NRXN3: variants seen among roughly 807,000 people sequenced by gnomAD.
NRXN3 encodes the protein neurexin 3, also known as neurexin III.
In NRXN3, 32 loss-of-function variants were observed where a neutral mutation model predicts 137.6. That is an observed-to-expected ratio of 0.23 (90% CI 0.18 to 0.31). The LOEUF is 0.31. Ranked by LOEUF, NRXN3 falls within the 10% of genes least tolerant of loss-of-function variation. The probability of loss-of-function intolerance (pLI) is 1.00; values close to 1 mark genes in which losing one functional copy is unlikely to be tolerated. For synonymous variants in NRXN3, 798 were observed against 784.5 expected, an observed-to-expected ratio of 1.02 and a Z score of -0.29; for missense variants, 1,574 against 2,062.5, an observed-to-expected ratio of 0.76 and a Z score of 4.59.
chr14:78,938,884 G>A (rs1302414477), intron 10 of NRXN3, among the ~76,000 whole-genome samples: 21 of 131,132 alleles, frequency 1.6e-4, no homozygotes, highest in African/African-American at 6.4e-4. Context: ...TCTCGCTGTC[G>A]CCCAGGCTGG....
intron 1 of NRXN3, among the ~76,000 whole-genome samples, chr14:78,184,477 G>A (rs750344009): frequency 1.3e-3 from 204 of 152,260 alleles, no homozygotes; most frequent in Middle Eastern, 3.4e-3. Flanking sequence ...TCTCTTTGGC[G>A]TCTATGGCAG....
At chr14:79,101,452 G>A (rs1196607879) in intron 15 of NRXN3, among the ~76,000 whole-genome samples, 1 of 152,174 alleles carries the variant, frequency 6.6e-6, no homozygotes, top group East Asian at 1.9e-4. Context: ...AAAACGTCGG[G>A]ATGAGGATGG....
chr14:78,779,221 G>A (rs552802967), intron 8 of NRXN3, among the ~76,000 whole-genome samples: 14 of 151,946 alleles, frequency 9.2e-5, no homozygotes, highest in Non-Finnish European at 1.3e-4. Flanking sequence ...GAATGATACA[G>A]CATCAGATAA....
chr14:79,336,824 G>A (rs1281269540), intron 15 of NRXN3, among the ~76,000 whole-genome samples: 2 of 152,038 alleles, frequency 1.3e-5, no homozygotes, highest in Non-Finnish European at 2.9e-5. Context: ...TTACTTTCTG[G>A]TAGCTGGATT....
chr14:78,641,333 G>T, intron 4 of NRXN3, among the ~76,000 whole-genome samples: 1 of 152,252 alleles, frequency 6.6e-6, no homozygotes, highest in Non-Finnish European at 1.5e-5. Context: ...TTTCTTCAAG[G>T]TCCTCATTTT....
chr14:79,028,561 G>C (rs2152478527), intron 15 of NRXN3, among the ~76,000 whole-genome samples: 1 of 152,308 alleles, frequency 6.6e-6, no homozygotes, highest in South Asian at 2.1e-4. Context: ...AAACAAAAGA[G>C]ATGACAGATT....
chr14:79,596,354 G>T (rs576335252), intron 16 of NRXN3, among the ~76,000 whole-genome samples: 41 of 152,196 alleles, frequency 2.7e-4, no homozygotes, highest in Admixed American at 2.2e-3. Context: ...TCTGAAAAAG[G>T]TACCTAATAG....
chr14:78,749,835 C>T (rs1351553515), intron 8 of NRXN3, among the ~76,000 whole-genome samples: 2 of 152,218 alleles, frequency 1.3e-5, no homozygotes, highest in African/African-American at 4.8e-5. Flanking sequence ...ATGTGGCACA[C>T]AGGTCCTGCA....
intron 8 of NRXN3, among the ~76,000 whole-genome samples, chr14:78,802,839 G>A (rs567978103): frequency 1.1e-4 from 17 of 152,260 alleles, no homozygotes; most frequent in Admixed American, 2.6e-4. Context: ...CCAGCTGCTC[G>A]GTAGGCTGAG....
intron 15 of NRXN3, among the ~76,000 whole-genome samples, chr14:79,012,829 A>G (rs972034951): frequency 6.6e-6 from 1 of 152,146 alleles, no homozygotes; most frequent in African/African-American, 2.4e-5. Flanking sequence ...ATAATTAAGG[A>G]TTGCTTGTCA....
At chr14:78,967,802 G>A (rs143705516) in intron 13 of NRXN3, among the ~76,000 whole-genome samples, 2 of 152,222 alleles carry the variant, frequency 1.3e-5, no homozygotes, top group African/African-American at 4.8e-5. Context: ...GATAATAATT[G>A]TTAGTTTCTG....
intron 15 of NRXN3, among the ~76,000 whole-genome samples, chr14:79,159,847 T>A (rs1859953038): frequency 6.6e-6 from 1 of 151,916 alleles, no homozygotes; most frequent in African/African-American, 2.4e-5. Context: ...TTAGTACAAG[T>A]TTATTTTGCT....
At chr14:79,125,887 A>G (rs942672285) in intron 15 of NRXN3, among the ~76,000 whole-genome samples, 1 of 152,068 alleles carries the variant, frequency 6.6e-6, no homozygotes, top group Non-Finnish European at 1.5e-5. Flanking sequence ...AATTTTTCTT[A>G]TTGCCAAATA....
At chr14:78,456,805 CTTTCTTTCTTTCTT>C (rs2094724253) in intron 4 of NRXN3, among the ~76,000 whole-genome samples, 2 of 106,132 alleles carry the variant, frequency 1.9e-5, no homozygotes, top group Non-Finnish European at 4.2e-5. Context: ...TTCTCTCTTT[CTTTCTTTCTTTCTT>C]TCTTTCTTTC....
At position 78,677,593 on chromosome 14, in the gene NRXN3, C is replaced by A. The variant is rs558988374; in HGVS notation, c.1221+26267C>A. Among the ~76,000 whole-genome samples, 10 of 152,114 alleles carry A rather than the reference C, an allele frequency of 6.6e-5. 1 individual carries two copies. The South Asian group carries it at 1.9e-3, about 28-fold the overall frequency. On this transcript the variant is annotated intron_variant, in intron 6 of 20. Transcript: ENST00000335750. ...AAAGATGCTGTGGACAATGTTGAAA[C>A]GACAACAAAGGACTTAGAATATTAC... is the stretch of plus-strand genomic sequence containing the variant.
At chr14:78,634,731 T>C (rs1298957962) in intron 4 of NRXN3, among the ~76,000 whole-genome samples, 1 of 149,630 alleles carries the variant, frequency 6.7e-6, no homozygotes, top group Non-Finnish European at 1.5e-5. Flanking sequence ...AAGTAACCAC[T>C]ACCTGAAGTT....
rs2098890305 is a variant in NRXN3, at chr14:78,808,398, G to A, written c.2249-1920G>A. On this transcript the variant is annotated intron_variant, in intron 9 of 20. Transcript: ENST00000335750. ...CCCACTTGTTGTTTGCAGTCCTTGG[G>A]TTTGTTGCTTTAGGCTCACTCTTCC... 2.6e-5 allele frequency among the ~76,000 whole-genome samples: 4 copies of A among 152,298 alleles called. 1 individual carries two copies. In the Middle Eastern group the frequency reaches 0.01, roughly 389 times the overall value.
chr14:78,721,190 C>A (rs1364911128), intron 8 of NRXN3, among the ~76,000 whole-genome samples: 1 of 152,168 alleles, frequency 6.6e-6, no homozygotes, highest in Non-Finnish European at 1.5e-5. Flanking sequence ...CAGACTATCT[C>A]ACTGGTGTGG....
At chr14:78,498,231 G>T (rs989992650) in intron 4 of NRXN3, among the ~76,000 whole-genome samples, 16 of 152,208 alleles carry the variant, frequency 1.1e-4, no homozygotes, top group Non-Finnish European at 1.5e-5. Context: ...CACTGGTGCA[G>T]TGAGCCAGGG....
Sources: allele counts gnomAD v4.1 joint callset (sites outside exome capture counted in the v4.1 genomes callset), GRCh38; gene constraint gnomAD v4.1.1; transcripts MANE v1.5; gene names NCBI Gene and HGNC (gene_info 2026-07-23, HGNC 2026-07-21).